Variants in RYR2 observed in about 807,000 individuals in gnomAD.
The protein encoded by RYR2 is ryanodine receptor 2.
A neutral mutation model predicts 601.1 loss-of-function variants in RYR2; 227 were observed. The ratio of observed to expected loss-of-function variants is 0.38; its 90% CI spans 0.34 to 0.42. RYR2 has a LOEUF of 0.42. RYR2 is among the 10% of genes least tolerant of loss of function. The pLI is 1.00. For missense variants in RYR2, 4,646 were observed against 6,156.5 expected, an observed-to-expected ratio of 0.75 and a Z score of 8.21; for synonymous variants, 2,223 against 2,175.1, an observed-to-expected ratio of 1.02 and a Z score of -0.61.
chr1:237,720,470 G>A (rs1689625876), intron 73 of RYR2, among the ~76,000 whole-genome samples: 2 of 152,202 alleles, frequency 1.3e-5, no homozygotes, highest in South Asian at 4.1e-4. Context: ...AATTCTTTTA[G>A]AGTGAGATTA....
chr1:237,384,523 A>T (rs758716756), intron 8 of RYR2, among the ~76,000 whole-genome samples: 4 of 152,248 alleles, frequency 2.6e-5, no homozygotes, highest in Admixed American at 6.5e-5. Flanking sequence ...AACTTCTTAG[A>T]GGGCCAGGGG....
intron 1 of RYR2, among the ~76,000 whole-genome samples, chr1:237,209,946 A>G (rs1360367843): frequency 1.3e-5 from 2 of 152,196 alleles, no homozygotes; most frequent in African/African-American, 4.8e-5. Flanking sequence ...TATGTTTTAA[A>G]TCTTTGTGAT....
At chr1:237,814,799 G>C (rs570039808) in intron 100 of RYR2, among the ~76,000 whole-genome samples, 2 of 152,138 alleles carry the variant, frequency 1.3e-5, no homozygotes, top group East Asian at 1.9e-4. Context: ...AAGGTGTCAA[G>C]ACTTATGCAC....
intron 38 of RYR2, among the ~76,000 whole-genome samples, chr1:237,618,247 T>G (rs879624434): frequency 6.6e-6 from 1 of 152,152 alleles, no homozygotes; most frequent in Non-Finnish European, 1.5e-5. Flanking sequence ...ATTTTCTTAA[T>G]TGTTATAAAC....
intron 2 of RYR2, among the ~76,000 whole-genome samples, chr1:237,291,984 T>C (rs564993750): frequency 3.9e-5 from 6 of 152,306 alleles, no homozygotes; most frequent in African/African-American, 1.2e-4. Flanking sequence ...TGATGAAAGA[T>C]ACTGATAGTG....
chr1:237,293,910 ATCC>A (rs1692491990), intron 2 of RYR2, among the ~76,000 whole-genome samples: 1 of 152,052 alleles, frequency 6.6e-6, no homozygotes, highest in Non-Finnish European at 1.5e-5. Context: ...CAGCCCCTCT[ATCC>A]TCCATGGAGG....
chr1:237,418,293 C>T lies in RYR2; in HGVS notation c.848+1170C>T, dbSNP rs527787300. On this transcript the variant is annotated intron_variant, in intron 11 of 104. Transcript: ENST00000366574. ...TCCTGACCTCCTGATCCACCAGCCTCGGCCTCCCAAAGTGCTGGGATCACA... is the reference window on the plus strand; with the variant it reads ...TCCTGACCTCCTGATCCACCAGCCTTGGCCTCCCAAAGTGCTGGGATCACA... Among the ~76,000 whole-genome samples the T allele has an allele frequency of 1.0e-3, 154 of 152,290 alleles. 1 individual carries two copies. The highest frequency in any genetic ancestry group is 3.5e-3 in the African/African-American group (145 of 41,564).
At chr1:237,687,360 C>CTTT in intron 62 of RYR2, 95 bp from the exon 63 acceptor site, 20 of 492,260 alleles carry the variant, frequency 4.1e-5, no homozygotes, top group South Asian at 8.3e-5. Flanking sequence ...TTTCTTTTTT[C>CTTT]TTCTTCTTTT....
intron 1 of RYR2, among the ~76,000 whole-genome samples, chr1:237,227,754 C>T (rs939611462): frequency 6.6e-6 from 1 of 152,236 alleles, no homozygotes. Flanking sequence ...TTGCCTGACA[C>T]CCTGAGCTGC....
chr1:237,516,626 T>A (rs139429362), intron 24 of RYR2, among the ~76,000 whole-genome samples: 21 of 152,298 alleles, frequency 1.4e-4, no homozygotes, highest in Non-Finnish European at 2.1e-4. Context: ...CCATTGACAT[T>A]TTCCCCTGGA....
rs529589492 is a variant in RYR2 at position 237,634,787 on chromosome 1, A to T, written c.6689-102A>T. 2.9e-5 allele frequency: 23 copies of T among 803,100 alleles called. No homozygotes were observed. In the African/African-American group the frequency reaches 3.6e-4, roughly 13 times the overall value. 49.7% of individuals were successfully genotyped at this position (803,100 alleles called of 1,614,324 possible). On this transcript the variant is annotated intron_variant, in intron 43 of 104. Coordinates refer to ENST00000366574, the MANE Select transcript of RYR2 (RefSeq NM_001035.3). ...ATCAATGTAGATTAATACACTATGG[A>T]TGGTGTTTAGAAATTAAATTTTAAG...
intron 16 of RYR2, among the ~76,000 whole-genome samples, chr1:237,458,737 A>G (rs1352726266): frequency 2.7e-5 from 3 of 109,780 alleles, no homozygotes; most frequent in South Asian, 3.1e-4. Flanking sequence ...ATGCAAAAAA[A>G]GTTAAAAAAA....
At chr1:237,315,691 T>C (rs1695037639) in intron 2 of RYR2, among the ~76,000 whole-genome samples, 3 of 152,156 alleles carry the variant, frequency 2.0e-5, no homozygotes, top group Admixed American at 2.0e-4. Context: ...TCCATAAATA[T>C]GTGTAATACA....
intron 98 of RYR2, among the ~76,000 whole-genome samples, chr1:237,805,702 G>C (rs1226649054): frequency 1.7e-5 from 1 of 60,026 alleles, no homozygotes; most frequent in African/African-American, 8.8e-5. Flanking sequence ...TATTCATGGG[G>C]TACCTAGTGA....
At chr1:237,325,549 G>A (rs12088659) in intron 2 of RYR2, among the ~76,000 whole-genome samples, 2,146 of 152,070 alleles carry the variant, frequency 0.014, 42 homozygotes, top group African/African-American at 0.048. Context: ...TTAGCCGGGC[G>A]TGGTGGCGGG....
chr1:237,421,255 T>C (rs1400771275), intron 11 of RYR2, among the ~76,000 whole-genome samples: 1 of 151,458 alleles, frequency 6.6e-6, no homozygotes, highest in Non-Finnish European at 1.5e-5. Context: ...AAAATAATAG[T>C]AATAATAATA....
intron 1 of RYR2, among the ~76,000 whole-genome samples, chr1:237,200,059 T>A (rs1477589146): frequency 6.6e-6 from 1 of 152,196 alleles, no homozygotes; most frequent in African/African-American, 2.4e-5. Context: ...GAGATAGGTC[T>A]GTTACTATCA....
rs749566870 is a variant in RYR2 at position 237,566,609 on chromosome 1, G to A, written c.3257G>A (p.Arg1086Gln). Reference protein sequence around the residue: ...EVCSGTGERFRIFRAEKTYAV... With the variant: ...EVCSGTGERFQIFRAEKTYAV... ...TGCAGCGGCACCGGGGAAAGGTTCCGAATCTTCCGTGCCGAGAAGACCTAT... is the reference window on the plus strand; with the variant it reads ...TGCAGCGGCACCGGGGAAAGGTTCCAAATCTTCCGTGCCGAGAAGACCTAT... The change falls in exon 28 of 105, where the codon CGA becomes CAA. Residue 1086 changes from arginine (R) to glutamine (Q), a missense_variant. Arg to Gln is a conservative substitution (Grantham distance 43). Around this residue, in one of 17 missense-constraint regions of RYR2, gnomAD observed 1,807 missense variants for 2,088.1 expected, o/e 0.87. Coordinates refer to ENST00000366574, the MANE Select transcript of RYR2 (RefSeq NM_001035.3). 3.1e-6 allele frequency: 5 copies of A among 1,613,932 alleles called. No individual in the cohort carries two copies. The highest frequency in any genetic ancestry group is 3.4e-6 in the Non-Finnish European group (4 of 1,179,870).
chr1:237,143,614 C>T (rs1673631779), intron 1 of RYR2, among the ~76,000 whole-genome samples: 1 of 152,118 alleles, frequency 6.6e-6, no homozygotes. Flanking sequence ...GGCCCCCTTG[C>T]TTGGTTTTCA....
Sources: allele counts gnomAD v4.1 joint callset (sites outside exome capture counted in the v4.1 genomes callset), GRCh38; gene constraint gnomAD v4.1.1; regional missense constraint gnomAD v4.1.1; transcripts MANE v1.5; gene names NCBI Gene and HGNC (gene_info 2026-07-23, HGNC 2026-07-21).